Variants in SPSB4 observed in about 807,000 individuals in gnomAD.
SPSB4 encodes the protein SPRY domain-containing SOCS box protein 4.
A neutral mutation model predicts 20.9 loss-of-function variants in SPSB4; 21 were observed. The ratio of observed to expected loss-of-function variants is 1.01; its 90% confidence interval spans 0.71 to 1.45. The LOEUF is 1.45. Among genes scored for constraint, SPSB4 ranks in the 40% most tolerant of loss-of-function variants. The pLI, the probability that SPSB4 is intolerant of heterozygous loss-of-function variation, is 0.00. For missense variants in SPSB4, 399 were observed against 399.2 expected (o/e 1.00, Z 0.00); for synonymous variants, 207 against 183.8 (o/e 1.13, Z -1.02).
At chr3:141,106,168 G>C (rs1413526207) in intron 2 of SPSB4, among the ~76,000 whole-genome samples, 1 of 152,144 alleles carries the variant, frequency 6.6e-6, no homozygotes, top group African/African-American at 2.4e-5. Flanking sequence ...TGTGTGGGCT[G>C]GTGTCCCTGG....
At chr3:141,071,977 T>C (rs1938016479) in intron 2 of SPSB4, among the ~76,000 whole-genome samples, 1 of 152,232 alleles carries the variant, frequency 6.6e-6, no homozygotes, top group Non-Finnish European at 1.5e-5. Flanking sequence ...TTGCCAGAGC[T>C]GCACTCAAGA....
At chr3:141,095,855 C>T (rs1431492836) in intron 2 of SPSB4, among the ~76,000 whole-genome samples, 1 of 152,114 alleles carries the variant, frequency 6.6e-6, no homozygotes, top group African/African-American at 2.4e-5. Context: ...CAGGAGACTC[C>T]TGAGAGCAAG....
intron 2 of SPSB4, among the ~76,000 whole-genome samples, chr3:141,127,154 G>C (rs1264099239): frequency 6.6e-6 from 1 of 152,240 alleles, no homozygotes; most frequent in Non-Finnish European, 1.5e-5. Flanking sequence ...GGGGTCAATA[G>C]TGAACACCCA....
At position 141,066,389 on chromosome 3, in the gene SPSB4, C is replaced by T; in HGVS notation, c.285C>T (p.Arg95=). ...DGIRGKVGHA[R]GLHAWQINWP... ...TCCGCGGCAAGGTGGGCCACGCCCGCGGCCTGCACGCCTGGCAGATCAACT... is the reference window on the plus strand; with the variant it reads ...TCCGCGGCAAGGTGGGCCACGCCCGTGGCCTGCACGCCTGGCAGATCAACT... Residue 95 remains arginine, a synonymous_variant, in exon 2 of 3, where the codon CGC becomes CGT. Transcript: ENST00000310546. 6.5e-7 allele frequency: 1 copy of T among 1,542,420 alleles called. No homozygotes were observed. The highest frequency in any genetic ancestry group is 8.7e-7 in the Non-Finnish European group (1 of 1,145,546).
chr3:141,107,694 G>A (rs1938721090), intron 2 of SPSB4, among the ~76,000 whole-genome samples: 1 of 152,138 alleles, frequency 6.6e-6, no homozygotes, highest in Non-Finnish European at 1.5e-5. Flanking sequence ...CAGTGGCTCA[G>A]GCCTGTAATC....
Position 141,088,353 on chromosome 3 carries a change from C to T in SPSB4, c.694+21555C>T, listed in dbSNP as rs539370181. ...ATTACTTCTAGGTGGCAGGATAAGA[C>T]GTGAATTTTCCTGCGTCTTTGCGCT... On this transcript the variant is annotated intron_variant, in intron 2 of 2. Transcript: ENST00000310546. Among the ~76,000 whole-genome samples, 12 of 152,338 alleles carry T rather than the reference C, an allele frequency of 7.9e-5. No individual in the cohort carries two copies. In the South Asian group the frequency reaches 1.4e-3, roughly 18 times the overall value.
intron 2 of SPSB4, among the ~76,000 whole-genome samples, chr3:141,126,283 T>G (rs1167840659): frequency 2.0e-5 from 3 of 152,130 alleles, no homozygotes; most frequent in Non-Finnish European, 4.4e-5. Context: ...CTCCCTGCCT[T>G]CCTTGGCCTG....
intron 2 of SPSB4, among the ~76,000 whole-genome samples, chr3:141,123,658 C>A (rs925795846): frequency 6.6e-6 from 1 of 152,218 alleles, no homozygotes; most frequent in African/African-American, 2.4e-5. Flanking sequence ...ACTGTCTCTG[C>A]AAGCACCCTT....
chr3:141,052,473 G>C (rs540754405), intron 1 of SPSB4, among the ~76,000 whole-genome samples: 6 of 152,328 alleles, frequency 3.9e-5, no homozygotes, highest in African/African-American at 1.4e-4. Flanking sequence ...ATTATTATTA[G>C]CTTTGCGAGC....
At chr3:141,080,972 G>T (rs982959943) in intron 2 of SPSB4, among the ~76,000 whole-genome samples, 1 of 152,130 alleles carries the variant, frequency 6.6e-6, no homozygotes, top group Non-Finnish European at 1.5e-5. Context: ...CTGTGACCTC[G>T]GGGAAGTCAG....
intron 2 of SPSB4, among the ~76,000 whole-genome samples, chr3:141,076,270 T>G (rs1938108281): frequency 6.6e-6 from 1 of 152,198 alleles, no homozygotes; most frequent in Non-Finnish European, 1.5e-5. Context: ...CAGCTATGCC[T>G]TCTGCATTTC....
At chr3:141,085,625 C>A (rs1938324780) in intron 2 of SPSB4, among the ~76,000 whole-genome samples, 1 of 152,232 alleles carries the variant, frequency 6.6e-6, no homozygotes. Context: ...ACTTCTAGTG[C>A]AAGGAAGCTG....
At chr3:141,143,660 T>G (rs2107809194) in intron 2 of SPSB4, among the ~76,000 whole-genome samples, 1 of 152,364 alleles carries the variant, frequency 6.6e-6, no homozygotes, top group East Asian at 1.9e-4. Context: ...GGATTTGGCA[T>G]GCAGTGGAAT....
At chr3:141,137,701 G>A (rs977374975) in intron 2 of SPSB4, among the ~76,000 whole-genome samples, 1 of 152,194 alleles carries the variant, frequency 6.6e-6, no homozygotes, top group African/African-American at 2.4e-5. Context: ...GATCATGGTG[G>A]ATAAGCTTTT....
intron 2 of SPSB4, chr3:141,077,117 G>A (rs1938129441): frequency 6.6e-6 from 1 of 152,234 alleles, no homozygotes; most frequent in Non-Finnish European, 1.5e-5. Flanking sequence ...AAGGCTGCTT[G>A]TCTGAGGCAT....
chr3:141,119,170 C>T (rs1437634585), intron 2 of SPSB4, among the ~76,000 whole-genome samples: 1 of 152,144 alleles, frequency 6.6e-6, no homozygotes, highest in Admixed American at 6.5e-5. Flanking sequence ...TTTCATTGAG[C>T]AGTGGTTTGT....
chr3:141,083,902 C>A (rs1256223519), intron 2 of SPSB4, among the ~76,000 whole-genome samples: 3 of 152,128 alleles, frequency 2.0e-5, no homozygotes, highest in Non-Finnish European at 4.4e-5. Context: ...CCCCTCTGAA[C>A]TCCAGAACCC....
In SPSB4 at chr3:141,065,917, T is replaced by C. The variant is rs992825106; in HGVS notation, c.-153-35T>C. 7 of 526,702 alleles carry C rather than the reference T, an allele frequency of 1.3e-5. No homozygotes were observed. In the African/African-American group the frequency reaches 1.4e-4, roughly 11 times the overall value. 32.6% of individuals were successfully genotyped at this position (526,702 alleles called of 1,614,324 possible). A position where few individuals can be genotyped will look rare whatever the true frequency, so the allele number is the denominator to read the frequency against. Reference sequence around the variant, plus strand: ...GGGATTGGCAACTGGCTGCTGATGCTGCTGCTATAACCCGTGCCCTTTGCT... The same window carrying C: ...GGGATTGGCAACTGGCTGCTGATGCCGCTGCTATAACCCGTGCCCTTTGCT... On this transcript the variant is annotated intron_variant, in intron 1 of 2. Coordinates refer to ENST00000310546, the MANE Select transcript of SPSB4 (RefSeq NM_080862.3).
intron 2 of SPSB4, among the ~76,000 whole-genome samples, chr3:141,075,099 A>C (rs1395886202): frequency 6.6e-6 from 1 of 152,214 alleles, no homozygotes; most frequent in Non-Finnish European, 1.5e-5. Flanking sequence ...TCCCCATCAG[A>C]AACAAGGGAG....
Sources: allele counts gnomAD v4.1 joint callset (sites outside exome capture counted in the v4.1 genomes callset), GRCh38; gene constraint gnomAD v4.1.1; transcripts MANE v1.5; gene names NCBI Gene and HGNC (gene_info 2026-07-23, HGNC 2026-07-21).